COA6: variants seen among roughly 807,000 people sequenced by gnomAD.
COA6 encodes cytochrome c oxidase assembly factor 6 homolog.
In COA6, 12 loss-of-function variants were observed where a neutral mutation model predicts 17.1. That is an observed-to-expected ratio of 0.70 (90% confidence interval 0.45 to 1.14). The LOEUF is 1.14. COA6 is among the 50% of genes most tolerant of loss of function. The pLI, the probability that COA6 is intolerant of heterozygous loss-of-function variation, is 0.00. For synonymous variants in COA6, 90 were observed against 73.4 expected (o/e 1.23, Z -1.16); for missense variants, 246 against 196.5 (o/e 1.25, Z -1.51).
At chr1:234,376,709 C>T (rs1428333547) in intron 2 of COA6, among the ~76,000 whole-genome samples, 4 of 152,166 alleles carry the variant, frequency 2.6e-5, no homozygotes, top group Admixed American at 6.5e-5. Context: ...ATACAAAAGC[C>T]CTGTCTCCTT....
At chr1:234,381,700 G>GTAC (rs1658975167) in intron 2 of COA6, among the ~76,000 whole-genome samples, 1 of 152,210 alleles carries the variant, frequency 6.6e-6, no homozygotes, top group Non-Finnish European at 1.5e-5. Flanking sequence ...CAACCCAAGT[G>GTAC]AGAAATGATG....
At chr1:234,377,080 G>C (rs375061208) in intron 2 of COA6, among the ~76,000 whole-genome samples, 23,185 of 105,246 alleles carry the variant, frequency 0.22, 5,603 homozygotes, top group Admixed American at 0.33. Flanking sequence ...GAGAGAGAGA[G>C]AGAGAGAGAG....
intron 2 of COA6, 101 bp from the exon 3 acceptor site, chr1:234,383,622 C>T: frequency 1.7e-6 from 1 of 603,838 alleles, no homozygotes; most frequent in South Asian, 2.2e-5. Flanking sequence ...ATATAAATCA[C>T]TTAAATTTAT....
At position 234,384,795 on chromosome 1, in the gene COA6, G is replaced by A. The variant is rs1003645266; in HGVS notation, c.*977G>A. Among the ~76,000 whole-genome samples the A allele has an allele frequency of 2.6e-5, 4 of 152,116 alleles. No homozygotes were observed. Among genetic ancestry groups the A allele is most frequent in the African/African-American group, 9.7e-5 (4 of 41,442 alleles). On this transcript the variant is annotated 3_prime_UTR_variant, in exon 3 of 3. Transcript: ENST00000366615. ...AAAATAATAAAAATTTAAAAATCCAGTATAACACCTATTTACATTGTATTA... is the reference window on the plus strand; with the variant it reads ...AAAATAATAAAAATTTAAAAATCCAATATAACACCTATTTACATTGTATTA...
chr1:234,378,296 G>A lies in COA6; in HGVS notation c.372+3907G>A, dbSNP rs182613331. The stretch of plus-strand genomic sequence containing the variant: ...AATATCTATTGAGCACCTCCTATGT[G>A]CCATAGGAAAATACAGCAAGGAAAA... On this transcript the variant is annotated intron_variant, in intron 2 of 2. Transcript: ENST00000366615. Among the ~76,000 whole-genome samples, 336 of 152,198 alleles carry A rather than the reference G, an allele frequency of 2.2e-3. 1 individual carries two copies. Among genetic ancestry groups the A allele is most frequent in the Admixed American group, 3.6e-3 (55 of 15,292 alleles).
At position 234,377,074 on chromosome 1, in the gene COA6, G is replaced by C. The variant is rs1313717450; in HGVS notation, c.372+2685G>C. Among the ~76,000 whole-genome samples, 393 of 98,378 alleles carry C rather than the reference G, an allele frequency of 4.0e-3. 20 individuals are homozygous for C. The highest frequency in any genetic ancestry group is 0.013 in the African/African-American group (367 of 27,832). 64.5% of individuals were successfully genotyped at this position (98,378 alleles called of 152,430 possible). On this transcript the variant is annotated intron_variant, in intron 2 of 2. Coordinates refer to ENST00000366615, the MANE Select transcript of COA6 (RefSeq NM_001206641.3). ...GCTGTGTTGCCGAGAGAGAGAGAGA[G>C]AGAGAGAGAGAGAGAGAGAGAGAGA...
At chr1:234,375,765 C>T (rs543260582) in intron 2 of COA6, among the ~76,000 whole-genome samples, 46 of 152,154 alleles carry the variant, frequency 3.0e-4, no homozygotes, top group Admixed American at 8.5e-4. Flanking sequence ...GCAATCTTCC[C>T]GCCTAAACCT....
chr1:234,374,390 G>C lies in COA6; in HGVS notation c.372+1G>C, dbSNP rs750935107. ...CGAATCAAGTTGTCCCCAACAGTGG[G>C]TAAGTCACACTTTGATGTGTTTCTC... On this transcript the variant is annotated splice_donor_variant, in intron 2 of 2. Coordinates refer to ENST00000366615, the MANE Select transcript of COA6 (RefSeq NM_001206641.3). LOFTEE classifies it high-confidence loss of function. 1.2e-6 allele frequency: 2 copies of C among 1,613,826 alleles called. No homozygotes were observed. Among genetic ancestry groups the C allele is most frequent in the Non-Finnish European group, 1.7e-6 (2 of 1,179,912 alleles).
chr1:234,382,223 G>A (rs1658995020), intron 2 of COA6, among the ~76,000 whole-genome samples: 1 of 152,198 alleles, frequency 6.6e-6, no homozygotes. Flanking sequence ...GTGGACCAGG[G>A]TTTTCTTTCT....
At position 234,373,654 on chromosome 1, in the gene COA6, A is replaced by G. The variant is rs765700868; in HGVS notation, c.188A>G (p.Glu63Gly). 13 of 1,613,046 alleles carry G rather than the reference A, an allele frequency of 8.1e-6. No homozygotes were observed. Among genetic ancestry groups the G allele is most frequent in the Admixed American group, 5.0e-5 (3 of 59,996 alleles). The change falls in exon 1 of 3, where the codon GAA (glutamate) becomes GGA (glycine). Residue 63 changes from glutamate to glycine, a missense_variant. Glu to Gly is a moderately conservative substitution (Grantham distance 98). Coordinates refer to ENST00000366615, the MANE Select transcript of COA6 (RefSeq NM_001206641.3). ...GTTTCCTCCCGTCGACATCGAAAGG[A>G]AGCCGGACGTGGGCGGGCAGAGAGG... is the stretch of plus-strand genomic sequence containing the variant. ...VTVSSRRHRK[E>G]AGRGRAESFI... is the part of the protein sequence containing the mutation.
chr1:234,374,451 T>C, intron 2 of COA6, 62 bp downstream of exon 2: 2 of 1,548,052 alleles, frequency 1.3e-6, no homozygotes, highest in Admixed American at 3.6e-5. Flanking sequence ...ATACTGTGAG[T>C]GGTAGGCTGA....
chr1:234,381,683 G>A (rs886611108), intron 2 of COA6, among the ~76,000 whole-genome samples: 9 of 152,212 alleles, frequency 5.9e-5, no homozygotes, highest in African/African-American at 1.4e-4. Context: ...TGAAAGAGCT[G>A]TTACAGCAAC....
rs147202905 is a variant in COA6, at chr1:234,373,822, C to G, written c.212+144C>G. 7.2e-4 allele frequency: 1,169 copies of G among 1,613,666 alleles called. 13 individuals are homozygous for G. In the African/African-American group the frequency reaches 0.014, roughly 19 times the overall value. On this transcript the variant is annotated intron_variant, in intron 1 of 2. Transcript: ENST00000366615. ...CTTGGTGATTGTGGCCCCCACACAC[C>G]TGTTTCTACAGCGCTTAGGTTCGAA...
At chr1:234,374,536 C>T (rs1035717118) in intron 2 of COA6, 147 bp downstream of exon 2, 2 of 725,540 alleles carry the variant, frequency 2.8e-6, no homozygotes, top group Non-Finnish European at 4.5e-6. Context: ...GGTAATTCAG[C>T]CTTATTTGAC....
At position 234,384,454 on chromosome 1, in the gene COA6, G is replaced by A. The variant is rs1006100826; in HGVS notation, c.*636G>A. On this transcript the variant is annotated 3_prime_UTR_variant, in exon 3 of 3. Transcript: ENST00000366615. ...AATGGATGCACAAAAAGAGCTCCTA[G>A]AACTATAAGTCAATCATAGAAAGGT... Among the ~76,000 whole-genome samples, 4 of 152,042 alleles carry A rather than the reference G, an allele frequency of 2.6e-5. No homozygotes were observed. Among genetic ancestry groups the A allele is most frequent in the African/African-American group, 9.7e-5 (4 of 41,396 alleles).
Position 234,373,646 on chromosome 1 carries a change from T to G in COA6, c.180T>G (p.His60Gln). 1 of 1,613,060 alleles carries G rather than the reference T, an allele frequency of 6.2e-7. No homozygotes were observed. The highest frequency in any genetic ancestry group is 8.5e-7 in the Non-Finnish European group (1 of 1,179,384). The change falls in exon 1 of 3, where the codon CAT becomes CAG. Residue 60 changes from histidine to glutamine, a missense_variant. Physicochemically the swap from His to Gln is conservative, Grantham distance 24. Coordinates refer to ENST00000366615, the MANE Select transcript of COA6 (RefSeq NM_001206641.3). ...GCGTGACAGTTTCCTCCCGTCGACATCGAAAGGAAGCCGGACGTGGGCGGG... is the reference window on the plus strand; with the variant it reads ...GCGTGACAGTTTCCTCCCGTCGACAGCGAAAGGAAGCCGGACGTGGGCGGG... ...VACVTVSSRR[H>Q]RKEAGRGRAE...
intron 2 of COA6, among the ~76,000 whole-genome samples, chr1:234,379,433 G>A (rs1223853656): frequency 6.6e-6 from 1 of 152,176 alleles, no homozygotes; most frequent in Admixed American, 6.5e-5. Context: ...TGGGAGTAAG[G>A]TAGGTTGGAG....
Position 234,383,922 on chromosome 1 carries a change from C to A in COA6, c.*104C>A. On this transcript the variant is annotated 3_prime_UTR_variant, in exon 3 of 3. Coordinates refer to ENST00000366615, the MANE Select transcript of COA6 (RefSeq NM_001206641.3). The stretch of plus-strand genomic sequence containing the variant: ...CATAGTGAACATCAATACTTGTTCC[C>A]TATATACGACACTTGATAATTAAGA... The A allele has an allele frequency of 1.9e-6, 1 of 536,814 alleles. No individual in the cohort carries two copies. Among genetic ancestry groups the A allele is most frequent in the African/African-American group, 1.9e-5 (1 of 52,344 alleles). 33.3% of individuals were successfully genotyped at this position (536,814 alleles called of 1,614,324 possible).
rs757924158 is a variant in COA6 at position 234,373,524 on chromosome 1, C to T, written c.58C>T (p.Arg20Trp). Residue 20 changes from arginine to tryptophan, a missense_variant, in exon 1 of 3, where the codon CGG becomes TGG. Arg to Trp is a moderately radical substitution (Grantham distance 101). Coordinates refer to ENST00000366615, the MANE Select transcript of COA6 (RefSeq NM_001206641.3). ...GTTTCGCCGCGTGAGTTGCTTTTTG[C>T]GGCTGGGGAGGTCTACGCTTCTAGA... Reference protein sequence around the residue: ...PRFRRVSCFLRLGRSTLLELE... With the variant: ...PRFRRVSCFLWLGRSTLLELE... 4.1e-5 allele frequency: 66 copies of T among 1,606,748 alleles called. No homozygotes were observed. Among genetic ancestry groups the T allele is most frequent in the Admixed American group, 8.5e-5 (5 of 59,028 alleles).
Sources: allele counts gnomAD v4.1 joint callset (sites outside exome capture counted in the v4.1 genomes callset), GRCh38; gene constraint gnomAD v4.1.1; transcripts MANE v1.5; gene names NCBI Gene and HGNC (gene_info 2026-07-23, HGNC 2026-07-21).